The following PHACTR2 variants were observed in gnomAD, a reference collection of about 807,000 sequenced individuals.
PHACTR2 encodes phosphatase and actin regulator 2, also known as chromosome 6 open reading frame 56.
Under a neutral mutation model 76.0 loss-of-function variants are expected in PHACTR2, and 30 were observed. That is an observed-to-expected ratio of 0.39 (90% CI 0.30 to 0.54). The LOEUF (loss-of-function observed/expected upper bound fraction) is 0.54. PHACTR2 is among the 20% of genes least tolerant of loss of function. PHACTR2 has a pLI of 0.61. For missense variants in PHACTR2, 696 were observed against 781.1 expected (o/e 0.89, Z 1.30); for synonymous variants, 292 against 292.5 (o/e 1.00, Z 0.02).
Position 143,830,383 on chromosome 6 carries a change from CTG to C in PHACTR2, c.*6697_*6698del, listed in dbSNP as rs935849928. Reference sequence around the variant, plus strand: ...CAGTTAAAGTGATAACAATGGTAAACTGTGATCATTATCAGACTGACTGAATG... The same window carrying C: ...CAGTTAAAGTGATAACAATGGTAAACTGATCATTATCAGACTGACTGAATG... On this transcript the variant is annotated 3_prime_UTR_variant, in exon 13 of 13. Transcript: ENST00000440869. 12 of 147,538 alleles carry C rather than the reference CTG, an allele frequency of 8.1e-5. No individual in the cohort carries two copies. The highest frequency in any genetic ancestry group is 3.0e-4 in the African/African-American group (12 of 40,030). 9.1% of individuals were successfully genotyped at this position (147,538 alleles called of 1,614,324 possible). A position where few individuals can be genotyped will look rare whatever the true frequency, so the allele number is the denominator to read the frequency against.
At chr6:143,734,736 G>T (rs189473742) in intron 2 of PHACTR2, among the ~76,000 whole-genome samples, 13 of 152,238 alleles carry the variant, frequency 8.5e-5, no homozygotes, top group Admixed American at 8.5e-4. Flanking sequence ...GCCTCCATTG[G>T]GTTGAGACAA....
At chr6:143,603,121 G>A (rs1050526339) in intron 1 of PHACTR2, among the ~76,000 whole-genome samples, 3 of 142,492 alleles carry the variant, frequency 2.1e-5, no homozygotes, top group Non-Finnish European at 4.6e-5. Context: ...CTCTAGCCTG[G>A]GTGACAAGAG....
chr6:143,777,270 A>G lies in PHACTR2; in HGVS notation c.1590-58A>G, dbSNP rs144262506. 349 of 855,542 alleles carry G rather than the reference A, an allele frequency of 4.1e-4. 1 individual carries two copies. The African/African-American group carries it at 5.1e-3, about 13-fold the overall frequency. The allele number at this position is 855,542 out of a possible 1,614,324, so 53.0% of individuals were successfully genotyped here. A position where few individuals can be genotyped will look rare whatever the true frequency, so the allele number is the denominator to read the frequency against. On this transcript the variant is annotated intron_variant, in intron 8 of 12. Coordinates refer to ENST00000440869, the MANE Select transcript of PHACTR2 (RefSeq NM_001100164.2). The surrounding 1 kb of genome is among the most constrained non-coding windows in gnomAD (Gnocchi z 4.6). ...AATAGAGCTTTGTTGTTTTATTCTG[A>G]GTCTCCTACTAGGGTACCTTGTTTT...
chr6:143,541,547 T>C lies in PHACTR2; in HGVS notation c.217+4340T>C, dbSNP rs538181162. On this transcript the variant is annotated intron_variant, in intron 1 of 11. Transcript: ENST00000367584. The surrounding 1 kb of genome is among the most constrained non-coding windows in gnomAD (Gnocchi z 5.3). ...TGTGTGGACCACTTCATTAGCTTAATGTGCAAGTACAATCTCATCTTTTTA... is the reference window on the plus strand; with the variant it reads ...TGTGTGGACCACTTCATTAGCTTAACGTGCAAGTACAATCTCATCTTTTTA... Among the ~76,000 whole-genome samples the C allele has an allele frequency of 6.6e-6, 1 of 152,370 alleles. No individual in the cohort carries two copies. Among genetic ancestry groups the C allele is most frequent in the Admixed American group, 6.5e-5 (1 of 15,308 alleles).
intron 2 of PHACTR2, among the ~76,000 whole-genome samples, chr6:143,729,352 A>G (rs1438943817): frequency 2.0e-5 from 3 of 152,142 alleles, no homozygotes; most frequent in Non-Finnish European, 4.4e-5. Context: ...TTTTAATGAA[A>G]TCCACCGTAT....
chr6:143,628,930 T>G (rs1439344392), intron 1 of PHACTR2, among the ~76,000 whole-genome samples: 1 of 4,058 alleles, frequency 2.5e-4, no homozygotes, highest in Non-Finnish European at 7.4e-4. Flanking sequence ...AGGAGATATA[T>G]ATATATATAT....
At chr6:143,635,582 T>C (rs1353526735) in intron 1 of PHACTR2, among the ~76,000 whole-genome samples, 1 of 152,204 alleles carries the variant, frequency 6.6e-6, no homozygotes, top group Non-Finnish European at 1.5e-5. Context: ...ACAATTAATA[T>C]TAGCAGGCCT....
chr6:143,771,219 T>TATAC (rs1775125383), intron 6 of PHACTR2, among the ~76,000 whole-genome samples: 4 of 111,920 alleles, frequency 3.6e-5, no homozygotes, highest in East Asian at 2.5e-4. Flanking sequence ...TATATATATA[T>TATAC]ATATATATAT....
chr6:143,738,377 A>AT lies in PHACTR2; in HGVS notation c.215-10600dup, dbSNP rs1003883377. Among the ~76,000 whole-genome samples the AT allele has an allele frequency of 6.6e-6, 1 of 151,684 alleles. No individual in the cohort carries two copies. Among genetic ancestry groups the AT allele is most frequent in the African/African-American group, 2.4e-5 (1 of 41,334 alleles). ...AACAAAACAAAACAAAAGATTATAC[A>AT]TTTTTTTTCATGACCCCCCTGAAAA... On this transcript the variant is annotated intron_variant, in intron 2 of 12. Transcript: ENST00000440869. The surrounding 1 kb of genome is among the most constrained non-coding windows in gnomAD (Gnocchi z 4.0).
intron 1 of PHACTR2, among the ~76,000 whole-genome samples, chr6:143,579,272 G>C (rs765510836): frequency 1.9e-4 from 29 of 152,166 alleles, no homozygotes; most frequent in Non-Finnish European, 3.8e-4. Flanking sequence ...ACTGGGGGTT[G>C]TTGGAGGAGG....
intron 1 of PHACTR2, among the ~76,000 whole-genome samples, chr6:143,620,786 T>A (rs941654963): frequency 6.6e-6 from 1 of 152,238 alleles, no homozygotes; most frequent in Non-Finnish European, 1.5e-5. Context: ...AGGCACAGTT[T>A]ACCCTTTGGG....
intron 4 of PHACTR2, among the ~76,000 whole-genome samples, chr6:143,758,815 T>C (rs1405535573): frequency 6.6e-6 from 1 of 152,222 alleles, no homozygotes; most frequent in East Asian, 1.9e-4. Context: ...TGATTACCTA[T>C]TGTAACTGAA....
chr6:143,693,501 G>A (rs1439826123), intron 1 of PHACTR2, among the ~76,000 whole-genome samples: 1 of 152,158 alleles, frequency 6.6e-6, no homozygotes, highest in Non-Finnish European at 1.5e-5. Flanking sequence ...GCCTCCCAAA[G>A]TGCTGGGATT....
chr6:143,800,502 C>T lies in PHACTR2; in HGVS notation c.1846-6555C>T, dbSNP rs983819940. Among the ~76,000 whole-genome samples, 1 of 152,096 alleles carries T rather than the reference C, an allele frequency of 6.6e-6. No homozygotes were observed. Among genetic ancestry groups the T allele is most frequent in the African/African-American group, 2.4e-5 (1 of 41,400 alleles). The stretch of plus-strand genomic sequence containing the variant: ...GGTCTCGATCTCCTGACTTCGTGAT[C>T]TGCCTGCATCGGCCTCCCAAAGTGC... On this transcript the variant is annotated intron_variant, in intron 11 of 12. Coordinates refer to ENST00000440869, the MANE Select transcript of PHACTR2 (RefSeq NM_001100164.2). The surrounding 1 kb of genome is among the most constrained non-coding windows in gnomAD (Gnocchi z 4.8).
At chr6:143,615,082 A>G (rs1311422336) in intron 1 of PHACTR2, among the ~76,000 whole-genome samples, 1 of 152,202 alleles carries the variant, frequency 6.6e-6, no homozygotes, top group Admixed American at 6.5e-5. Flanking sequence ...CCTAGGCATC[A>G]AGTTAGGTAT....
intron 1 of PHACTR2, among the ~76,000 whole-genome samples, chr6:143,645,228 A>T (rs1260450409): frequency 6.6e-6 from 1 of 152,080 alleles, no homozygotes; most frequent in Non-Finnish European, 1.5e-5. Flanking sequence ...TCACAATTCC[A>T]GAAATATGGA....
rs996429427 is a variant in PHACTR2, at chr6:143,539,828, C to T, written c.217+2621C>T. On this transcript the variant is annotated intron_variant, in intron 1 of 11. Transcript: ENST00000367584. This position sits in a 1 kb window ranked among gnomAD's most constrained non-coding sequence, Gnocchi z 4.3. Reference sequence around the variant, plus strand: ...ACCTTGCAGTTTGAAAAGTGCTGCTCTCCCACACTGGTTTTCAAACTTGGC... The same window carrying T: ...ACCTTGCAGTTTGAAAAGTGCTGCTTTCCCACACTGGTTTTCAAACTTGGC... Among the ~76,000 whole-genome samples the T allele has an allele frequency of 7.2e-5, 11 of 152,188 alleles. No homozygotes were observed. The highest frequency in any genetic ancestry group is 7.2e-4 in the Admixed American group (11 of 15,278).
chr6:143,797,740 G>A (rs533227604), intron 11 of PHACTR2, among the ~76,000 whole-genome samples: 22 of 152,178 alleles, frequency 1.4e-4, no homozygotes, highest in African/African-American at 3.1e-4. Context: ...TTATTTCTCC[G>A]TTCTGTTCCA....
At chr6:143,687,821 G>A (rs943177799) in intron 1 of PHACTR2, among the ~76,000 whole-genome samples, 2 of 152,130 alleles carry the variant, frequency 1.3e-5, no homozygotes, top group African/African-American at 4.8e-5. Flanking sequence ...GTATGTGCTT[G>A]GCAGGTATAG....
Sources: gnomAD v4.1 joint callset for allele counts (sites outside exome capture counted in the v4.1 genomes callset) on GRCh38, gnomAD v4.1.1 for gene constraint, Gnocchi (gnomAD v3.1) non-coding constraint, MANE v1.5 for transcripts, NCBI Gene and HGNC (gene_info 2026-07-23, HGNC 2026-07-21) for gene names.